Variants in BBS9 observed in about 807,000 individuals in gnomAD.
BBS9 encodes the protein Bardet-Biedl syndrome 9.
In BBS9, 89 loss-of-function variants were observed where a neutral mutation model predicts 117.7. The ratio of observed to expected loss-of-function variants is 0.76; its 90% CI spans 0.64 to 0.90. The LOEUF (loss-of-function observed/expected upper bound fraction) is 0.90, where lower values mean the gene tolerates loss of function less well. BBS9 is among the 40% of genes least tolerant of loss of function. The pLI, the probability that BBS9 is intolerant of heterozygous loss-of-function variation, is 0.00. For missense variants in BBS9, 982 were observed against 1,042.2 expected (o/e 0.94, Z 0.80); for synonymous variants, 379 against 370.9 (o/e 1.02, Z -0.25).
chr7:33,377,451 T>C (rs1438496739), intron 17 of BBS9, among the ~76,000 whole-genome samples: 1 of 152,194 alleles, frequency 6.6e-6, no homozygotes, highest in East Asian at 1.9e-4. Flanking sequence ...AGTAGGGCAA[T>C]GTGATGCTTC....
intron 19 of BBS9, among the ~76,000 whole-genome samples, chr7:33,409,353 C>T (rs534144328): frequency 9.2e-5 from 14 of 152,260 alleles, no homozygotes; most frequent in Admixed American, 2.6e-4. Context: ...AGGTAGGGAT[C>T]CAGTTTCATT....
intron 4 of BBS9, among the ~76,000 whole-genome samples, chr7:33,167,406 T>C (rs994151576): frequency 1.3e-5 from 2 of 149,910 alleles, no homozygotes; most frequent in African/African-American, 2.5e-5. Flanking sequence ...GAGAATTCTT[T>C]TTTTTTTTTT....
At chr7:33,337,392 A>T (rs1314827532) in intron 10 of BBS9, among the ~76,000 whole-genome samples, 2 of 152,120 alleles carry the variant, frequency 1.3e-5, no homozygotes, top group Non-Finnish European at 2.9e-5. Context: ...ACAAGTAGGA[A>T]TAATAAAAGA....
chr7:33,201,712 G>C (rs2128211422), intron 5 of BBS9, among the ~76,000 whole-genome samples: 1 of 150,544 alleles, frequency 6.6e-6, no homozygotes, highest in East Asian at 2.0e-4. Flanking sequence ...TTGTTGTTTG[G>C]GGGCATTTTT....
intron 21 of BBS9, among the ~76,000 whole-genome samples, chr7:33,596,001 A>G (rs968095173): frequency 6.6e-6 from 1 of 151,920 alleles, no homozygotes; most frequent in African/African-American, 2.4e-5. Context: ...GAGGGGAACA[A>G]CACACACTGG....
intron 1 of BBS9, among the ~76,000 whole-genome samples, chr7:33,139,579 A>C (rs1412862032): frequency 6.6e-6 from 1 of 151,074 alleles, no homozygotes; most frequent in Non-Finnish European, 1.5e-5. Context: ...GAGGATTTTG[A>C]CTTTTTAAAA....
chr7:33,294,385 C>G (rs1562951260), intron 9 of BBS9, among the ~76,000 whole-genome samples: 2 of 151,878 alleles, frequency 1.3e-5, no homozygotes, highest in Non-Finnish European at 2.9e-5. Flanking sequence ...ATCCATCCAT[C>G]CATCCATCCA....
chr7:33,167,454 G>A (rs1007134853), intron 4 of BBS9, among the ~76,000 whole-genome samples: 1 of 149,248 alleles, frequency 6.7e-6, no homozygotes, highest in East Asian at 2.0e-4. Flanking sequence ...CCAGGCTGGA[G>A]TGCAGTGGTA....
At chr7:33,527,621 A>ATG (rs1849821679) in intron 20 of BBS9, among the ~76,000 whole-genome samples, 1 of 152,148 alleles carries the variant, frequency 6.6e-6, no homozygotes, top group Non-Finnish European at 1.5e-5. Flanking sequence ...CACGGTGCGC[A>ATG]CACCCACTGA....
intron 9 of BBS9, among the ~76,000 whole-genome samples, chr7:33,322,569 C>T (rs536054228): frequency 6.6e-6 from 1 of 151,808 alleles, no homozygotes; most frequent in Non-Finnish European, 1.5e-5. Context: ...TGAATTTTTG[C>T]AATATCAGTT....
chr7:33,319,463 ATC>A (rs903665776), intron 9 of BBS9, among the ~76,000 whole-genome samples: 14 of 152,288 alleles, frequency 9.2e-5, no homozygotes, highest in Non-Finnish European at 2.1e-4. Flanking sequence ...TCTTTAAGGA[ATC>A]TCTGCACTGG....
At chr7:33,567,184 C>T (rs1027223640) in intron 21 of BBS9, among the ~76,000 whole-genome samples, 3 of 152,092 alleles carry the variant, frequency 2.0e-5, no homozygotes, top group Admixed American at 6.6e-5. Flanking sequence ...TATCTTTGTG[C>T]GTTTTCATTC....
intron 19 of BBS9, among the ~76,000 whole-genome samples, chr7:33,389,478 A>G (rs574147004): frequency 1.7e-4 from 26 of 152,220 alleles, no homozygotes; most frequent in Admixed American, 3.3e-4. Context: ...TCACGAGGTC[A>G]GGAGATCAAG....
At chr7:33,616,212 A>G (rs1865122616) in intron 21 of BBS9, among the ~76,000 whole-genome samples, 1 of 151,152 alleles carries the variant, frequency 6.6e-6, no homozygotes, top group Non-Finnish European at 1.5e-5. Flanking sequence ...TAAACAATGT[A>G]TTAAAATATA....
At chr7:33,186,351 C>T (rs1329998939) in intron 5 of BBS9, among the ~76,000 whole-genome samples, 1 of 152,090 alleles carries the variant, frequency 6.6e-6, no homozygotes, top group Non-Finnish European at 1.5e-5. Flanking sequence ...GAAAAAGTAA[C>T]TGTGAGTGGT....
chr7:33,442,281 TATC>T (rs1162817844), intron 19 of BBS9, among the ~76,000 whole-genome samples: 1 of 152,152 alleles, frequency 6.6e-6, no homozygotes. Flanking sequence ...TGATACTAAT[TATC>T]ATATTATGTT....
chr7:33,388,464 G>C (rs372802176), intron 19 of BBS9, among the ~76,000 whole-genome samples: 1 of 152,134 alleles, frequency 6.6e-6, no homozygotes, highest in African/African-American at 2.4e-5. Flanking sequence ...TTGATAAATA[G>C]TAGCTATTAT....
intron 19 of BBS9, among the ~76,000 whole-genome samples, chr7:33,499,508 T>C (rs867309004): frequency 1.3e-5 from 2 of 152,320 alleles, no homozygotes; most frequent in South Asian, 2.1e-4. Flanking sequence ...ACAACAAATC[T>C]ATCTGGTTTA....
intron 21 of BBS9, among the ~76,000 whole-genome samples, chr7:33,571,758 T>C (rs1169182082): frequency 6.6e-6 from 1 of 152,078 alleles, no homozygotes; most frequent in Non-Finnish European, 1.5e-5. Context: ...AGCATTCTGC[T>C]AAAAGAACCC....
Sources: gnomAD v4.1 joint callset for allele counts (sites outside exome capture counted in the v4.1 genomes callset) on GRCh38, gnomAD v4.1.1 for gene constraint, MANE v1.5 for transcripts, NCBI Gene and HGNC (gene_info 2026-07-23, HGNC 2026-07-21) for gene names.